PUM3: variants seen among roughly 807,000 people sequenced by gnomAD.
PUM3 encodes the protein pumilio homolog 3.
In PUM3, 91 loss-of-function variants were observed where a neutral mutation model predicts 84.0. The ratio of observed to expected loss-of-function variants is 1.08; its 90% confidence interval spans 0.91 to 1.29. The LOEUF (loss-of-function observed/expected upper bound fraction) is 1.29, where lower values mean the gene tolerates loss of function less well. PUM3 is among the 50% of genes most tolerant of loss of function. PUM3 has a pLI of 0.00. For synonymous variants in PUM3, 321 were observed against 266.7 expected (o/e 1.20, Z -1.98); for missense variants, 1,067 against 767.5 (o/e 1.39, Z -4.61).
At chr9:2,842,802 C>G (rs935855377) in intron 1 of PUM3, among the ~76,000 whole-genome samples, 13 of 152,240 alleles carry the variant, frequency 8.5e-5, no homozygotes, top group South Asian at 8.3e-4. Context: ...AAACATAATT[C>G]TCTATGTTGT....
chr9:2,805,317 G>T (rs977217805), intron 17 of PUM3, among the ~76,000 whole-genome samples: 23 of 152,184 alleles, frequency 1.5e-4, no homozygotes, highest in African/African-American at 5.6e-4. Context: ...ATAGAGGCTG[G>T]TAACAGCAGG....
Position 2,812,412 on chromosome 9 carries a change from C to G in PUM3, c.1270-50G>C. ...AGAATCAATATCTGCATTCTCAAAA[C>G]AAAGTACCACAGGACCTTTCTTCCA... On this transcript the variant is annotated intron_variant, in intron 13 of 17. Coordinates refer to ENST00000397885, the MANE Select transcript of PUM3 (RefSeq NM_014878.5). 2.4e-6 allele frequency: 3 copies of G among 1,238,882 alleles called. 1 individual carries two copies. Among genetic ancestry groups the G allele is most frequent in the East Asian group, 4.9e-5 (2 of 40,692 alleles). The allele number at this position is 1,238,882 out of a possible 1,614,324, so 76.7% of individuals were successfully genotyped here.
chr9:2,830,373 C>A (rs1563833231), intron 7 of PUM3, among the ~76,000 whole-genome samples: 1 of 152,280 alleles, frequency 6.6e-6, no homozygotes, highest in East Asian at 1.9e-4. Context: ...CATTAATACA[C>A]TCAAAAAGAT....
intron 3 of PUM3, among the ~76,000 whole-genome samples, chr9:2,836,854 AG>A (rs1360832646): frequency 1.3e-5 from 2 of 152,140 alleles, no homozygotes; most frequent in Non-Finnish European, 2.9e-5. Context: ...TACAATGCAT[AG>A]AAAACTCAAA....
At chr9:2,827,788 C>G (rs1164786502) in intron 9 of PUM3, among the ~76,000 whole-genome samples, 1 of 152,184 alleles carries the variant, frequency 6.6e-6, no homozygotes, top group South Asian at 2.1e-4. Flanking sequence ...TTTGGAACAA[C>G]CAACCCATTT....
chr9:2,836,481 G>T (rs539275361), intron 3 of PUM3, among the ~76,000 whole-genome samples: 4 of 152,162 alleles, frequency 2.6e-5, no homozygotes, highest in East Asian at 1.9e-4. Flanking sequence ...ACTGAACATC[G>T]TTGACAGAGA....
chr9:2,828,434 T>G (rs1586725331), intron 9 of PUM3: 2 of 398,182 alleles, frequency 5.0e-6, no homozygotes, highest in Admixed American at 4.2e-5. Context: ...AATGTTTCAT[T>G]GCTTAAAAAA....
intron 1 of PUM3, among the ~76,000 whole-genome samples, chr9:2,840,460 C>A (rs955998732): frequency 6.6e-6 from 1 of 152,198 alleles, no homozygotes; most frequent in Non-Finnish European, 1.5e-5. Flanking sequence ...CTAACTTTAG[C>A]ATTTGTCGGT....
chr9:2,824,751 A>T lies in PUM3; in HGVS notation c.1100T>A (p.Val367Glu). 6.3e-7 allele frequency: 1 copy of T among 1,583,872 alleles called. No individual in the cohort carries two copies. The highest frequency in any genetic ancestry group is 8.6e-7 in the Non-Finnish European group (1 of 1,160,732). The change falls in exon 11 of 18, where the codon GTG becomes GAG. Residue 367 changes from valine to glutamate, a missense_variant. Physicochemically the swap from Val to Glu is moderately radical, Grantham distance 121 (BLOSUM62 -2). Transcript: ENST00000397885. ...YLAHTHDGAR[V>E]AMHCLWHGTP... The stretch of plus-strand genomic sequence containing the variant: ...GCCATGCCACAGGCAGTGCATGGCC[A>T]CTCTGGCGCCATCGTGTGTGTGTGC...
At chr9:2,811,679 T>G (rs935537809) in intron 14 of PUM3, 96 bp from the exon 15 acceptor site, 3 of 758,168 alleles carry the variant, frequency 4.0e-6, no homozygotes, top group Admixed American at 4.6e-5. Flanking sequence ...TATCACAGAC[T>G]GTATCGCACT....
intron 13 of PUM3, among the ~76,000 whole-genome samples, chr9:2,819,648 T>C (rs1390943625): frequency 6.6e-6 from 1 of 152,104 alleles, no homozygotes; most frequent in African/African-American, 2.4e-5. Context: ...TGTATTTGAG[T>C]TCTGGAATAA....
chr9:2,829,736 A>T (rs765033382), intron 8 of PUM3, 38 bp downstream of exon 8: 16 of 1,565,840 alleles, frequency 1.0e-5, no homozygotes, highest in Middle Eastern at 1.9e-4. Context: ...GCATATCGAA[A>T]AGTAAAAATA....
chr9:2,810,102 G>A (rs1271674779), intron 16 of PUM3, among the ~76,000 whole-genome samples: 6 of 150,836 alleles, frequency 4.0e-5, no homozygotes, highest in Admixed American at 2.0e-4. Context: ...GTGAGGGGGC[G>A]GTGGGGGGGG....
chr9:2,838,912 T>A, intron 1 of PUM3, among the ~76,000 whole-genome samples: 1 of 152,178 alleles, frequency 6.6e-6, no homozygotes, highest in East Asian at 1.9e-4. Flanking sequence ...CTTGATTTCT[T>A]GGAGCCTAAA....
chr9:2,823,859 T>C (rs1336646573), intron 11 of PUM3, 25 bp from the exon 12 acceptor site: 4 of 1,380,612 alleles, frequency 2.9e-6, no homozygotes, highest in Non-Finnish European at 4.0e-6. Context: ...ATTGTCTCAC[T>C]GAATTTTCAG....
chr9:2,843,107 C>T (rs1477179817), intron 1 of PUM3, among the ~76,000 whole-genome samples: 1 of 152,256 alleles, frequency 6.6e-6, no homozygotes, highest in South Asian at 2.1e-4. Context: ...CACTTGCTTA[C>T]AAGTCTTCAA....
rs140842570 is a variant in PUM3 at position 2,826,727 on chromosome 9, T to G, written c.1035+346A>C. Among the ~76,000 whole-genome samples, 680 of 152,346 alleles carry G rather than the reference T, an allele frequency of 4.5e-3. 5 individuals carry two copies. The highest frequency in any genetic ancestry group is 0.015 in the African/African-American group (617 of 41,570). ...ACCTTTTAATGCCAAGCTAATTTTT[T>G]TTTTGTATTAGCACAGTTGAATTTA... is the stretch of plus-strand genomic sequence containing the variant. On this transcript the variant is annotated intron_variant, in intron 10 of 17. Coordinates refer to ENST00000397885, the MANE Select transcript of PUM3 (RefSeq NM_014878.5).
intron 1 of PUM3, among the ~76,000 whole-genome samples, chr9:2,840,158 G>A (rs1011411284): frequency 2.0e-5 from 3 of 152,190 alleles, no homozygotes; most frequent in Non-Finnish European, 4.4e-5. Flanking sequence ...CTATCAAGAG[G>A]TACATGACAT....
rs145776780 is a variant in PUM3, at chr9:2,811,440, G to A, written c.1556C>T (p.Thr519Ile). The A allele has an allele frequency of 1.3e-4, 208 of 1,614,146 alleles. No individual in the cohort carries two copies. The African/African-American group carries it at 2.1e-3, about 16-fold the overall frequency. ...ATTCATGGTAGGCTGAACGTCTCCA[G>A]TGGCAGATCCCAGAATGTCAGACAC... Reference protein sequence around the residue: ...VLVSDILGSATGDVQPTMNAI... With the variant: ...VLVSDILGSAIGDVQPTMNAI... The change falls in exon 15 of 18, where the codon ACT (threonine) becomes ATT (isoleucine). Residue 519 changes from threonine (T) to isoleucine (I), a missense_variant. By Grantham distance (89) the Thr-to-Ile change is moderately conservative. Coordinates refer to ENST00000397885, the MANE Select transcript of PUM3 (RefSeq NM_014878.5).
Sources: gnomAD v4.1 joint callset for allele counts (sites outside exome capture counted in the v4.1 genomes callset) on GRCh38, gnomAD v4.1.1 for gene constraint, MANE v1.5 for transcripts, NCBI Gene and HGNC (gene_info 2026-07-23, HGNC 2026-07-21) for gene names.